Variants in MYO16 observed in about 807,000 individuals in gnomAD.
MYO16 encodes myosin XVI, also known as unconventional myosin-XVI.
Under a neutral mutation model 205.3 loss-of-function variants are expected in MYO16, and 94 were observed. That is an observed-to-expected ratio of 0.46 (90% CI 0.39 to 0.54). The LOEUF is 0.54. Ranked by LOEUF, MYO16 falls within the 20% of genes least tolerant of loss-of-function variation. The probability of loss-of-function intolerance (pLI) is 0.00; values close to 1 mark genes in which losing one functional copy is unlikely to be tolerated. For missense variants in MYO16, 2,315 were observed against 2,387.5 expected (o/e 0.97, Z 0.63); for synonymous variants, 988 against 954.0 (o/e 1.04, Z -0.66).
At position 108,760,473 on chromosome 13, in the gene MYO16, G is replaced by GT. The variant is rs34136071; in HGVS notation, c.508-25151dup. Among the ~76,000 whole-genome samples the GT allele has an allele frequency of 3.1e-3, 455 of 148,410 alleles. 1 individual carries two copies. The highest frequency in any genetic ancestry group is 7.9e-3 in the African/African-American group (317 of 40,360). ...AGTAAATCCTTAATGATAACTTAGG[G>GT]TTTTTTTTTTTATCATTTTGGCTTT... On this transcript the variant is annotated intron_variant, in intron 4 of 34. Transcript: ENST00000457511.
At chr13:108,620,153 A>G (rs529287831) in intron 1 of MYO16, among the ~76,000 whole-genome samples, 12 of 152,290 alleles carry the variant, frequency 7.9e-5, no homozygotes, top group African/African-American at 2.6e-4. Flanking sequence ...ATCGATGCCT[A>G]TGAAGATATT....
chr13:108,972,205 GTC>G (rs749547949), intron 20 of MYO16, among the ~76,000 whole-genome samples: 17 of 11,134 alleles, frequency 1.5e-3, no homozygotes, highest in East Asian at 4.2e-3. Context: ...CTGAGACCCT[GTC>G]TCTCTCTCTC....
intron 4 of MYO16, among the ~76,000 whole-genome samples, chr13:108,747,308 CTATT>C (rs1379435737): frequency 7.9e-6 from 1 of 126,900 alleles, no homozygotes; most frequent in African/African-American, 2.6e-5. Context: ...CTAAAAATGT[CTATT>C]TAAAGTAATG....
At chr13:108,876,669 CTTTT>C (rs35250959) in intron 12 of MYO16, among the ~76,000 whole-genome samples, 2 of 135,248 alleles carry the variant, frequency 1.5e-5, no homozygotes, top group Admixed American at 7.3e-5. Flanking sequence ...TATTCTCTCT[CTTTT>C]TTTTTTTTTT....
intron 27 of MYO16, among the ~76,000 whole-genome samples, chr13:109,072,718 T>C (rs1315260308): frequency 2.0e-5 from 3 of 152,052 alleles, no homozygotes; most frequent in African/African-American, 7.2e-5. Flanking sequence ...GATGGCGGAG[T>C]TGGGCCTGTG....
At chr13:108,580,241 AGT>A in the MYO16 span, among the ~76,000 whole-genome samples, 3 of 152,240 alleles carry the variant, frequency 2.0e-5, no homozygotes, top group Non-Finnish European at 4.4e-5. Flanking sequence ...TTAGAGGTCC[AGT>A]GTCTCTCTTT....
At chr13:109,185,129 A>G (rs1213780205) in intron 34 of MYO16, among the ~76,000 whole-genome samples, 3 of 152,202 alleles carry the variant, frequency 2.0e-5, no homozygotes, top group East Asian at 3.8e-4. Context: ...CACCTTCTAG[A>G]TGGGAAACCT....
chr13:109,013,492 C>T (rs556686805), intron 22 of MYO16, among the ~76,000 whole-genome samples: 2 of 152,058 alleles, frequency 1.3e-5, no homozygotes, highest in African/African-American at 4.8e-5. Flanking sequence ...GTAATGGGAT[C>T]GCTGGTTCAA....
Position 108,710,095 on chromosome 13 carries a change from G to A in MYO16, c.293-2566G>A, listed in dbSNP as rs921740343. Among the ~76,000 whole-genome samples the A allele has an allele frequency of 2.0e-5, 3 of 152,074 alleles. 1 individual carries two copies. The highest frequency in any genetic ancestry group is 6.6e-5 in the Admixed American group (1 of 15,262). Reference sequence around the variant, plus strand: ...TCATTCCTGGGCATTCCTGTGCAATGTTCTTTATGAGTTTCATGATTGCCC... The same window carrying A: ...TCATTCCTGGGCATTCCTGTGCAATATTCTTTATGAGTTTCATGATTGCCC... On this transcript the variant is annotated intron_variant, in intron 2 of 34. Transcript: ENST00000457511.
chr13:109,179,377 C>T (rs1038605115), intron 33 of MYO16, among the ~76,000 whole-genome samples, 165 bp from the exon 34 acceptor site: 3 of 152,212 alleles, frequency 2.0e-5, no homozygotes, highest in African/African-American at 7.2e-5. Flanking sequence ...CAATACTGTG[C>T]ATGCCCATGT....
At chr13:108,834,140 C>T (rs1876771497) in intron 9 of MYO16, among the ~76,000 whole-genome samples, 3 of 151,972 alleles carry the variant, frequency 2.0e-5, no homozygotes, top group Admixed American at 6.6e-5. Flanking sequence ...AACTATTGCA[C>T]CAAGGGAGAA....
At chr13:109,034,254 T>C (rs925891510) in intron 23 of MYO16, among the ~76,000 whole-genome samples, 53 of 152,344 alleles carry the variant, frequency 3.5e-4, no homozygotes, top group African/African-American at 1.2e-3. Context: ...CAAATGTATA[T>C]GATATGCTTA....
the MYO16 span, among the ~76,000 whole-genome samples, chr13:108,541,755 C>T: frequency 1.3e-5 from 2 of 152,100 alleles, no homozygotes; most frequent in African/African-American, 4.8e-5. Context: ...GTCAAAACCA[C>T]AATAAGATAC....
At chr13:109,110,959 T>C (rs1347590057) in intron 28 of MYO16, among the ~76,000 whole-genome samples, 1 of 152,186 alleles carries the variant, frequency 6.6e-6, no homozygotes. Context: ...TACGAATGGA[T>C]ACATGAATGA....
intron 34 of MYO16, among the ~76,000 whole-genome samples, chr13:109,199,961 T>G (rs1880336933): frequency 6.6e-6 from 1 of 152,230 alleles, no homozygotes; most frequent in Non-Finnish European, 1.5e-5. Context: ...GCCATTTAGA[T>G]AGCATTCATG....
At chr13:108,711,138 G>C (rs745531802) in intron 2 of MYO16, among the ~76,000 whole-genome samples, 5 of 152,160 alleles carry the variant, frequency 3.3e-5, no homozygotes, top group Non-Finnish European at 7.3e-5. Context: ...GAAACAGGAC[G>C]GTTCTTAGAA....
At chr13:108,888,346 AT>A in intron 13 of MYO16, 25 bp from the exon 14 acceptor site, 1 of 1,513,506 alleles carries the variant, frequency 6.6e-7, no homozygotes, top group Middle Eastern at 1.8e-4. Flanking sequence ...CTTCAAACTT[AT>A]GTTTTTCCTC....
intron 23 of MYO16, among the ~76,000 whole-genome samples, chr13:109,038,919 A>G (rs573441859): frequency 2.0e-5 from 3 of 152,112 alleles, no homozygotes; most frequent in Non-Finnish European, 2.9e-5. Context: ...CACTGTGATG[A>G]TATCAAAGGA....
intron 20 of MYO16, among the ~76,000 whole-genome samples, chr13:108,965,468 A>G (rs1883758177): frequency 6.6e-6 from 1 of 152,070 alleles, no homozygotes; most frequent in Admixed American, 6.6e-5. Context: ...GTGCACGGGC[A>G]CAATCTGGAC....
Sources: gnomAD v4.1 joint callset for allele counts (sites outside exome capture counted in the v4.1 genomes callset) on GRCh38, gnomAD v4.1.1 for gene constraint, MANE v1.5 for transcripts, NCBI Gene and HGNC (gene_info 2026-07-23, HGNC 2026-07-21) for gene names.